The following PRDM15 variants were observed in gnomAD, a reference collection of about 807,000 sequenced individuals.
The protein encoded by PRDM15 is PR/SET domain 15, also known as PR domain zinc finger protein 15.
A neutral mutation model predicts 128.6 loss-of-function variants in PRDM15; 64 were observed. That is an observed-to-expected ratio of 0.50 (90% CI 0.41 to 0.61). The LOEUF (loss-of-function observed/expected upper bound fraction) is 0.61, where lower values mean the gene tolerates loss of function less well. PRDM15 is among the 20% of genes least tolerant of loss of function. PRDM15 has a pLI of 0.00. For missense variants in PRDM15, 1,242 were observed against 1,569.1 expected, an observed-to-expected ratio of 0.79 and a Z score of 3.52; for synonymous variants, 615 against 621.8, an observed-to-expected ratio of 0.99 and a Z score of 0.16.
At position 41,836,212 on chromosome 21, in the gene PRDM15, G is replaced by A. The variant is rs889633510; in HGVS notation, c.1184-5C>T. 1.2e-6 allele frequency: 2 copies of A among 1,613,212 alleles called. No individual in the cohort carries two copies. Among genetic ancestry groups the A allele is most frequent in the Non-Finnish European group, 1.7e-6 (2 of 1,179,300 alleles). ...CGCACTTAAACAGCTTGTCACCTGA[G>A]GAACCAACCAACAGAGAGCTCATTC... On this transcript the variant is annotated splice_polypyrimidine_tract_variant and splice_region_variant and intron_variant, in intron 9 of 23. Transcript: ENST00000398548.
chr21:41,819,543 T>C (rs1042409520), intron 18 of PRDM15, 39 bp downstream of exon 18: 14 of 1,472,292 alleles, frequency 9.5e-6, no homozygotes, highest in Non-Finnish European at 1.3e-5. Flanking sequence ...CAGGGTGGCC[T>C]GGCTGAGCCT....
rs780295914 is a variant in PRDM15 at position 41,867,369 on chromosome 21, C to T, written c.-9-6997G>A. ...TGGTTCCCCCAGGAAAAGTTTTGTG[C>T]AAAGGGTCCTGAAAGCAGTGAAAGG... On this transcript the variant is annotated intron_variant, in intron 1 of 23. Transcript: ENST00000398548. 1.9e-6 allele frequency: 3 copies of T among 1,613,582 alleles called. No individual in the cohort carries two copies. In the Admixed American group the frequency reaches 5.0e-5, roughly 27 times the overall value.
At chr21:41,878,337 A>AT (rs2064494556) in intron 1 of PRDM15, among the ~76,000 whole-genome samples, 1 of 152,058 alleles carries the variant, frequency 6.6e-6, no homozygotes, top group Non-Finnish European at 1.5e-5. Flanking sequence ...GTGAGGGGCA[A>AT]TTTCTGAGCA....
chr21:41,869,760 G>C (rs1249199087), intron 1 of PRDM15, among the ~76,000 whole-genome samples: 1 of 152,214 alleles, frequency 6.6e-6, no homozygotes, highest in African/African-American at 2.4e-5. Flanking sequence ...AGTCTTATAA[G>C]TATACATCTT....
chr21:41,854,538 G>A lies in PRDM15; in HGVS notation c.538+28C>T, dbSNP rs2063519483. ...CCTTCGGCGAGGCACAAGGGAAGGTGGGCTCCGGATCGGGGGCCGCCACAT... is the reference window on the plus strand; with the variant it reads ...CCTTCGGCGAGGCACAAGGGAAGGTAGGCTCCGGATCGGGGGCCGCCACAT... On this transcript the variant is annotated intron_variant, in intron 5 of 23. Transcript: ENST00000398548. This position sits in a 1 kb window ranked among gnomAD's most constrained non-coding sequence, Gnocchi z 4.6. The A allele has an allele frequency of 3.7e-6, 6 of 1,609,492 alleles. No individual in the cohort carries two copies. Among genetic ancestry groups the A allele is most frequent in the Non-Finnish European group, 4.2e-6 (5 of 1,179,824 alleles).
chr21:41,824,195 G>A (rs2062386269), intron 13 of PRDM15, among the ~76,000 whole-genome samples: 1 of 152,196 alleles, frequency 6.6e-6, no homozygotes, highest in African/African-American at 2.4e-5. Flanking sequence ...GAGAACAGAT[G>A]AATGAAAAGA....
chr21:41,873,891 C>T lies in PRDM15; in HGVS notation c.-10+5379G>A, dbSNP rs531654624. 9.9e-5 allele frequency among the ~76,000 whole-genome samples: 15 copies of T among 152,034 alleles called. No individual in the cohort carries two copies. In the South Asian group the frequency reaches 2.1e-3, roughly 21 times the overall value. On this transcript the variant is annotated intron_variant, in intron 1 of 23. Coordinates refer to ENST00000398548, the MANE Select transcript of PRDM15 (RefSeq NM_001040424.3). ...AGAAACCCCATCTCTACAGAAAACA[C>T]AAAAGTTAGCCAGGCATGGTGGCAC...
At chr21:41,802,609 T>A in intron 23 of PRDM15, 103 bp downstream of exon 23, 3 of 950,968 alleles carry the variant, frequency 3.2e-6, no homozygotes, top group Non-Finnish European at 5.2e-6. Context: ...AGTCCACATG[T>A]ACACTGTGTA....
chr21:41,825,550 C>G (rs1446563934), intron 13 of PRDM15, among the ~76,000 whole-genome samples: 1 of 152,252 alleles, frequency 6.6e-6, no homozygotes, highest in Non-Finnish European at 1.5e-5. Flanking sequence ...CAGCCATCCA[C>G]TGCACGGAGG....
intron 6 of PRDM15, among the ~76,000 whole-genome samples, chr21:41,844,176 T>C (rs752073990): frequency 4.6e-5 from 7 of 152,034 alleles, no homozygotes; most frequent in Non-Finnish European, 1.0e-4. Flanking sequence ...TGGACACCGT[T>C]TGCCTCATTA....
intron 6 of PRDM15, among the ~76,000 whole-genome samples, chr21:41,845,366 G>A (rs550180390): frequency 6.8e-6 from 1 of 147,422 alleles, no homozygotes; most frequent in African/African-American, 2.5e-5. Flanking sequence ...GCCGGCCTTT[G>A]GGGCTGCTCC....
At chr21:41,874,615 C>T (rs1044533681) in intron 1 of PRDM15, 2 of 148,698 alleles carry the variant, frequency 1.3e-5, no homozygotes, top group African/African-American at 5.0e-5. Flanking sequence ...AGACTCTGGT[C>T]CAGTGAGTGG....
In PRDM15 at chr21:41,854,202, C is replaced by G. The variant is rs2063509558; in HGVS notation, c.538+364G>C. Among the ~76,000 whole-genome samples the G allele has an allele frequency of 6.6e-6, 1 of 152,170 alleles. No individual in the cohort carries two copies. Among genetic ancestry groups the G allele is most frequent in the Non-Finnish European group, 1.5e-5 (1 of 68,030 alleles). ...ATGCTGGACAGGCTGGTAGCTAGAA[C>G]AGGCTACACCATACAGCCTGGGTGT... is the stretch of plus-strand genomic sequence containing the variant. On this transcript the variant is annotated intron_variant, in intron 5 of 23. Transcript: ENST00000398548. The surrounding 1 kb of genome is among the most constrained non-coding windows in gnomAD (Gnocchi z 4.6).
intron 11 of PRDM15, among the ~76,000 whole-genome samples, chr21:41,833,712 A>G (rs1254850662): frequency 6.6e-6 from 1 of 152,214 alleles, no homozygotes; most frequent in Non-Finnish European, 1.5e-5. Context: ...TGCGGGTTCT[A>G]GGTGACTAAC....
At chr21:41,876,051 A>T (rs944239847) in intron 1 of PRDM15, among the ~76,000 whole-genome samples, 4 of 152,230 alleles carry the variant, frequency 2.6e-5, no homozygotes, top group African/African-American at 9.6e-5. Context: ...ACACAATAGT[A>T]AGTATTTGCT....
intron 22 of PRDM15, among the ~76,000 whole-genome samples, chr21:41,803,483 G>A (rs1052054832): frequency 4.6e-5 from 7 of 152,288 alleles, no homozygotes; most frequent in Non-Finnish European, 7.4e-5. Flanking sequence ...GAACCGGGCC[G>A]GCTCACCAGG....
chr21:41,857,988 G>A (rs1205010536), intron 3 of PRDM15, among the ~76,000 whole-genome samples: 1 of 152,184 alleles, frequency 6.6e-6, no homozygotes, highest in South Asian at 2.1e-4. Context: ...GTGCCAACAG[G>A]TGCATCCCTG....
chr21:41,836,269 C>A (rs2062887423), intron 9 of PRDM15, 62 bp from the exon 10 acceptor site: 7 of 1,488,090 alleles, frequency 4.7e-6, no homozygotes, highest in South Asian at 1.2e-5. Flanking sequence ...GAGAAGCATG[C>A]CCACCGGGGA....
chr21:41,873,189 GTGAAGC>G (rs2064276205), intron 1 of PRDM15, among the ~76,000 whole-genome samples: 1 of 152,218 alleles, frequency 6.6e-6, no homozygotes, highest in Non-Finnish European at 1.5e-5. Flanking sequence ...TCTCCTGCAT[GTGAAGC>G]TGTTTCCTGA....
Sources: gnomAD v4.1 joint callset for allele counts (sites outside exome capture counted in the v4.1 genomes callset) on GRCh38, gnomAD v4.1.1 for gene constraint, Gnocchi (gnomAD v3.1) non-coding constraint, MANE v1.5 for transcripts, NCBI Gene and HGNC (gene_info 2026-07-23, HGNC 2026-07-21) for gene names.